SLC38A9: variants seen among roughly 807,000 people sequenced by gnomAD.
The protein encoded by SLC38A9 is neutral amino acid transporter 9.
Under a neutral mutation model 62.3 loss-of-function variants are expected in SLC38A9, and 48 were observed. The ratio of observed to expected loss-of-function variants is 0.77; its 90% confidence interval spans 0.61 to 0.98. The LOEUF (loss-of-function observed/expected upper bound fraction) is 0.98, where lower values mean the gene tolerates loss of function less well. SLC38A9 is among the 50% of genes least tolerant of loss of function. The pLI, the probability that SLC38A9 is intolerant of heterozygous loss-of-function variation, is 0.00. For synonymous variants in SLC38A9, 204 were observed against 227.7 expected, an observed-to-expected ratio of 0.90 and a Z score of 0.94; for missense variants, 541 against 679.8, an observed-to-expected ratio of 0.80 and a Z score of 2.27.
chr5:55,652,595 C>T lies in SLC38A9; in HGVS notation c.886G>A (p.Val296Ile), dbSNP rs1254096724. 3.1e-6 allele frequency: 5 copies of T among 1,612,400 alleles called. No homozygotes were observed. Among genetic ancestry groups the T allele is most frequent in the Non-Finnish European group, 4.2e-6 (5 of 1,179,030 alleles). The change falls in exon 10 of 16, where the codon GTA becomes ATA. Residue 296 changes from valine (V) to isoleucine (I), a missense_variant. Val to Ile is a conservative substitution (Grantham distance 29). Transcript: ENST00000396865. ...DKSRTVPFYLVGLLLPLLNFK... is the reference protein window; with the variant it reads ...DKSRTVPFYLIGLLLPLLNFK... The stretch of plus-strand genomic sequence containing the variant: ...TTGAGCAGTGGGAGGAGGAGCCCTA[C>T]AAGATAAAAGGGGACTGTCCTGGAC...
At chr5:55,678,551 G>C (rs1385664274) in intron 3 of SLC38A9, among the ~76,000 whole-genome samples, 33 of 149,288 alleles carry the variant, frequency 2.2e-4, no homozygotes, top group Non-Finnish European at 3.0e-5. Context: ...ATCACTAAAT[G>C]TAAGAATTGA....
intron 2 of SLC38A9, among the ~76,000 whole-genome samples, chr5:55,705,663 T>C (rs548891987): frequency 6.6e-6 from 1 of 152,092 alleles, no homozygotes; most frequent in East Asian, 1.9e-4. Flanking sequence ...CTTTGTTTAG[T>C]TTTGTAAATA....
intron 10 of SLC38A9, among the ~76,000 whole-genome samples, chr5:55,650,408 C>T (rs367616941): frequency 1.6e-4 from 24 of 152,284 alleles, no homozygotes; most frequent in African/African-American, 5.8e-4. Context: ...AGAACAAAAG[C>T]AGAATATCCT....
chr5:55,659,049 G>A (rs1748982452), intron 8 of SLC38A9, among the ~76,000 whole-genome samples: 1 of 152,082 alleles, frequency 6.6e-6, no homozygotes, highest in Non-Finnish European at 1.5e-5. Flanking sequence ...ATCTCGAGAT[G>A]CAGAATAAAT....
chr5:55,626,095 AT>A lies in SLC38A9; in HGVS notation c.*398del. 1 of 158,862 alleles carries A rather than the reference AT, an allele frequency of 6.3e-6. No homozygotes were observed. The highest frequency in any genetic ancestry group is 1.4e-5 in the Non-Finnish European group (1 of 71,870). 9.8% of individuals were successfully genotyped at this position (158,862 alleles called of 1,614,324 possible). A position where few individuals can be genotyped will look rare whatever the true frequency, so the allele number is the denominator to read the frequency against. On this transcript the variant is annotated 3_prime_UTR_variant, in exon 16 of 16. Coordinates refer to ENST00000396865, the MANE Select transcript of SLC38A9 (RefSeq NM_173514.4). The stretch of plus-strand genomic sequence containing the variant: ...CTAGTAAGTAAGAAAATGAAAGTGA[AT>A]ACACTGAAACATAAAACAGAAGCAG...
At chr5:55,668,926 C>T (rs1554059988) in intron 7 of SLC38A9, among the ~76,000 whole-genome samples, 1 of 152,168 alleles carries the variant, frequency 6.6e-6, no homozygotes, top group Non-Finnish European at 1.5e-5. Flanking sequence ...GCACAGAATT[C>T]TCAATTTAGT....
At position 55,635,500 on chromosome 5, in the gene SLC38A9, T is replaced by C. The variant is rs189757104; in HGVS notation, c.1281+44A>G. On this transcript the variant is annotated intron_variant, in intron 13 of 15. Transcript: ENST00000396865. ...TATCACCCTACCTACTATAAATACA[T>C]GAAAGTGTACACAATCACACAGAGA... 7.3e-6 allele frequency: 10 copies of C among 1,375,674 alleles called. No individual in the cohort carries two copies. The East Asian group carries it at 2.3e-4, about 32-fold the overall frequency. 85.2% of individuals were successfully genotyped at this position (1,375,674 alleles called of 1,614,324 possible). A position where few individuals can be genotyped will look rare whatever the true frequency, so the allele number is the denominator to read the frequency against.
At chr5:55,649,501 C>A (rs200277228) in intron 10 of SLC38A9, among the ~76,000 whole-genome samples, 187 bp from the exon 11 acceptor site, 2 of 151,878 alleles carry the variant, frequency 1.3e-5, no homozygotes, top group South Asian at 2.1e-4. Context: ...AGAAAAAAAA[C>A]AAAACACTCT....
At chr5:55,634,249 C>T (rs1339946142) in intron 13 of SLC38A9, 1 of 167,586 alleles carries the variant, frequency 6.0e-6, no homozygotes, top group African/African-American at 2.4e-5. Flanking sequence ...AAGGAAAATA[C>T]CAGTCCACTT....
chr5:55,687,939 C>T (rs1270610353), intron 3 of SLC38A9, among the ~76,000 whole-genome samples: 1 of 152,100 alleles, frequency 6.6e-6, no homozygotes, highest in Admixed American at 6.5e-5. Flanking sequence ...CCTCATGATC[C>T]GCCCGCCTTG....
intron 10 of SLC38A9, among the ~76,000 whole-genome samples, chr5:55,650,504 A>AT (rs1298215093): frequency 4.6e-5 from 7 of 152,218 alleles, no homozygotes; most frequent in Admixed American, 1.3e-4. Flanking sequence ...ATAAGTTTAT[A>AT]TTCTTTTAAA....
chr5:55,675,257 G>A (rs973782405), intron 3 of SLC38A9: 5 of 152,132 alleles, frequency 3.3e-5, no homozygotes, highest in Non-Finnish European at 7.4e-5. Flanking sequence ...CAGTTTAGTT[G>A]GCTTGACTAC....
intron 8 of SLC38A9, among the ~76,000 whole-genome samples, chr5:55,663,016 TCCCGAGTAG>T (rs1286104720): frequency 6.6e-6 from 1 of 151,652 alleles, no homozygotes; most frequent in Non-Finnish European, 1.5e-5. Context: ...TGCCTCAGGC[TCCCGAGTAG>T]CTGGGATTAT....
Position 55,635,699 on chromosome 5 carries a change from TG to T in SLC38A9, c.1168-43del, listed in dbSNP as rs745865087. 24 of 1,348,346 alleles carry T rather than the reference TG, an allele frequency of 1.8e-5. No individual in the cohort carries two copies. The Admixed American group carries it at 3.6e-4, about 20-fold the overall frequency. The allele number at this position is 1,348,346 out of a possible 1,614,324, so 83.5% of individuals were successfully genotyped here. The stretch of plus-strand genomic sequence containing the variant: ...AAAGTCCCATAATACTGAAGAACCT[TG>T]TAGTAAGTCTACCTTAATAGGCTAA... On this transcript the variant is annotated intron_variant, in intron 12 of 15. Coordinates refer to ENST00000396865, the MANE Select transcript of SLC38A9 (RefSeq NM_173514.4).
chr5:55,700,133 G>A (rs2150658636), intron 2 of SLC38A9, among the ~76,000 whole-genome samples: 1 of 152,126 alleles, frequency 6.6e-6, no homozygotes, highest in East Asian at 1.9e-4. Flanking sequence ...TTGAGGTCAG[G>A]AATTCGAGAC....
intron 12 of SLC38A9, among the ~76,000 whole-genome samples, chr5:55,641,188 AT>A (rs1176288750): frequency 1.3e-5 from 2 of 152,204 alleles, no homozygotes; most frequent in Non-Finnish European, 2.9e-5. Flanking sequence ...AGCTTAAAAT[AT>A]TTTATTTTTT....
intron 12 of SLC38A9, among the ~76,000 whole-genome samples, chr5:55,638,494 C>T (rs1163101775): frequency 6.6e-6 from 1 of 152,098 alleles, no homozygotes; most frequent in East Asian, 1.9e-4. Flanking sequence ...AAATGGCTGG[C>T]AGGGTTGACG....
At position 55,645,916 on chromosome 5, in the gene SLC38A9, A is replaced by C. The variant is rs375281643; in HGVS notation, c.1061-21T>G. 200 of 1,498,922 alleles carry C rather than the reference A, an allele frequency of 1.3e-4. No homozygotes were observed. The African/African-American group carries it at 2.5e-3, about 19-fold the overall frequency. The allele number at this position is 1,498,922 out of a possible 1,614,324, so 92.9% of individuals were successfully genotyped here. A position where few individuals can be genotyped will look rare whatever the true frequency, so the allele number is the denominator to read the frequency against. On this transcript the variant is annotated intron_variant, in intron 11 of 15. Coordinates refer to ENST00000396865, the MANE Select transcript of SLC38A9 (RefSeq NM_173514.4). ...TATCTCTAGGAGAAAAATAAAAACA[A>C]GAACATTAAAACTGACAATTAGAAA...
At chr5:55,674,906 ATT>A (rs1751869230) in intron 3 of SLC38A9, among the ~76,000 whole-genome samples, 2 of 152,166 alleles carry the variant, frequency 1.3e-5, no homozygotes, top group African/African-American at 4.8e-5. Context: ...ACATAAAAAT[ATT>A]TATGTCTGGC....
Sources: gnomAD v4.1 joint callset for allele counts (sites outside exome capture counted in the v4.1 genomes callset) on GRCh38, gnomAD v4.1.1 for gene constraint, MANE v1.5 for transcripts, NCBI Gene and HGNC (gene_info 2026-07-23, HGNC 2026-07-21) for gene names.